The following IGFN1 variants were observed in gnomAD, a reference collection of about 807,000 sequenced individuals.
IGFN1 encodes the protein immunoglobulin like and fibronectin type III domain containing 1.
Under a neutral mutation model 289.5 loss-of-function variants are expected in IGFN1, and 253 were observed. The ratio of observed to expected loss-of-function variants is 0.87; its 90% CI spans 0.79 to 0.97. The LOEUF is 0.97. IGFN1 is among the 50% of genes least tolerant of loss of function. The pLI is 0.00. For synonymous variants in IGFN1, 1,706 were observed against 1,788.5 expected (o/e 0.95, Z 1.16); for missense variants, 4,470 against 4,686.1 (o/e 0.95, Z 1.35).
At chr1:201,193,779 T>C (rs1666765185) in intron 2 of IGFN1, among the ~76,000 whole-genome samples, 1 of 152,136 alleles carries the variant, frequency 6.6e-6, no homozygotes, top group African/African-American at 2.4e-5. Context: ...CTTTGGGTTT[T>C]GATTTGTTTT....
In IGFN1 at chr1:201,206,597, T is replaced by C; in HGVS notation, c.1704T>C (p.Ala568=). The change falls in exon 12 of 24, where the codon GCT becomes GCC. Residue 568 remains alanine (A), a synonymous_variant. Transcript: ENST00000335211. ...GWEAGSSRLQ[A]GGLGSSREGK... is the part of the protein sequence containing the mutation. ...AGGCTGGGTCCAGTCGGCTTCAGGC[T>C]GGAGGACTGGGGAGCAGCAGGGAAG... 2 of 1,546,696 alleles carry C rather than the reference T, an allele frequency of 1.3e-6. No homozygotes were observed. The highest frequency in any genetic ancestry group is 8.7e-7 in the Non-Finnish European group (1 of 1,146,946).
intron 3 of IGFN1, among the ~76,000 whole-genome samples, 185 bp downstream of exon 3, chr1:201,194,458 G>A (rs949749711): frequency 3.3e-5 from 5 of 152,204 alleles, no homozygotes; most frequent in Admixed American, 6.5e-5. Flanking sequence ...GTGACAAGAG[G>A]CCTGGGGAAA....
chr1:201,228,349 C>T, intron 23 of IGFN1, 37 bp from the exon 24 acceptor site: 4 of 1,611,220 alleles, frequency 2.5e-6, no homozygotes, highest in Non-Finnish European at 3.4e-6. Context: ...GGGGTGGCTG[C>T]CCCTCTGAAC....
At chr1:201,191,795 T>A (rs1347734470) in intron 1 of IGFN1, among the ~76,000 whole-genome samples, 1 of 151,870 alleles carries the variant, frequency 6.6e-6, no homozygotes. Flanking sequence ...GGGAGAAGAG[T>A]GGTATCAGCG....
intron 12 of IGFN1, 53 bp from the exon 13 acceptor site, chr1:201,214,124 C>A (rs1047648783): frequency 6.5e-7 from 1 of 1,530,472 alleles, no homozygotes; most frequent in Admixed American, 2.0e-5. Flanking sequence ...GGGCACAGCG[C>A]AGGCCATGGC....
At chr1:201,201,311 T>A (rs1667143036) in intron 8 of IGFN1, among the ~76,000 whole-genome samples, 1 of 152,236 alleles carries the variant, frequency 6.6e-6, no homozygotes, top group African/African-American at 2.4e-5. Flanking sequence ...CTGAAAATAG[T>A]ATCTTATCCC....
At chr1:201,225,465 C>T (rs886270791) in intron 21 of IGFN1, among the ~76,000 whole-genome samples, 13 of 152,104 alleles carry the variant, frequency 8.5e-5, no homozygotes, top group Non-Finnish European at 1.6e-4. Flanking sequence ...TGGTGGTGGC[C>T]GCCTGTAGTC....
Position 201,214,303 on chromosome 1 carries a change from T to C in IGFN1, c.8853+2T>C. ...ACCTGGTTTAAGGATGGCGTCAAGG[T>C]ACTGCCTCCCCTCACACCTTCTCTT... On this transcript the variant is annotated splice_donor_variant, in intron 13 of 23. Transcript: ENST00000335211. LOFTEE classifies it high-confidence loss of function. 1 of 1,605,624 alleles carries C rather than the reference T, an allele frequency of 6.2e-7. No individual in the cohort carries two copies. The highest frequency in any genetic ancestry group is 8.5e-7 in the Non-Finnish European group (1 of 1,173,558).
intron 5 of IGFN1, among the ~76,000 whole-genome samples, chr1:201,198,835 G>A (rs913631510): frequency 4.6e-5 from 7 of 152,232 alleles, no homozygotes; most frequent in Non-Finnish European, 8.8e-5. Context: ...AGCTGGGGAA[G>A]GTGAGTGTTT....
At position 201,213,273 on chromosome 1, in the gene IGFN1, C is replaced by T; in HGVS notation, c.8380C>T (p.Leu2794=). The change falls in exon 12 of 24, where the codon CTA becomes TTA. Residue 2794 remains leucine, a synonymous_variant. Transcript: ENST00000335211. The stretch of plus-strand genomic sequence containing the variant: ...TGGTGAGGTCCAGGGTCCTGGGGCC[C>T]TAAAGGAGGATGAAGGGCAGGGAGT... ...ENGEVQGPGA[L]KEDEGQGVEE... 1.3e-6 allele frequency: 2 copies of T among 1,554,636 alleles called. No homozygotes were observed. Among genetic ancestry groups the T allele is most frequent in the Non-Finnish European group, 1.7e-6 (2 of 1,148,644 alleles).
chr1:201,220,646 A>G (rs1335907041), intron 18 of IGFN1, among the ~76,000 whole-genome samples: 1 of 152,268 alleles, frequency 6.6e-6, no homozygotes, highest in African/African-American at 2.4e-5. Context: ...GCTGAATCTC[A>G]GGCCTCACCC....
chr1:201,193,752 T>G (rs1259686345), intron 2 of IGFN1, among the ~76,000 whole-genome samples: 1 of 152,048 alleles, frequency 6.6e-6, no homozygotes, highest in African/African-American at 2.4e-5. Flanking sequence ...GTGCTTGGCT[T>G]TTTTTTTGAG....
chr1:201,203,893 A>G lies in IGFN1; in HGVS notation c.903A>G (p.Glu301=). The change falls in exon 10 of 24, where the codon GAA becomes GAG. Residue 301 remains glutamate (E), a synonymous_variant. Transcript: ENST00000335211. ...KVEDAVVFST[E]LEASAIPPRV... is the part of the protein sequence containing the mutation. ...AGGATGCTGTGGTCTTCTCCACAGA[A>G]CTGGAGGCCAGTGGTGAGTGGTCTA... The G allele has an allele frequency of 6.4e-7, 1 of 1,551,536 alleles. No individual in the cohort carries two copies. Among genetic ancestry groups the G allele is most frequent in the Non-Finnish European group, 8.7e-7 (1 of 1,146,906 alleles).
Position 201,216,496 on chromosome 1 carries a change from G to C in IGFN1, c.9338G>C (p.Cys3113Ser). ...PPQGPMEVQD[C>S]HRAGVCLRWR... ...CAAGGCCCCATGGAGGTTCAGGATT[G>C]CCATAGGGCTGGCGTCTGCCTCCGC... The change falls in exon 16 of 24, where the codon TGC (cysteine) becomes TCC (serine). Residue 3113 changes from cysteine (C) to serine (S), a missense_variant. Around this residue, in one of 8 missense-constraint regions of IGFN1, gnomAD observed 2,218 missense variants for 2,114.1 expected, o/e 1.05. Coordinates refer to ENST00000335211, the MANE Select transcript of IGFN1 (RefSeq NM_001164586.2). 1.2e-6 allele frequency: 2 copies of C among 1,604,262 alleles called. No homozygotes were observed. Among genetic ancestry groups the C allele is most frequent in the Non-Finnish European group, 1.7e-6 (2 of 1,175,058 alleles).
Position 201,226,987 on chromosome 1 carries a change from G to T in IGFN1, c.10892G>T (p.Cys3631Phe), listed in dbSNP as rs1173133176. 6.2e-7 allele frequency: 1 copy of T among 1,613,166 alleles called. No homozygotes were observed. The highest frequency in any genetic ancestry group is 1.3e-5 in the African/African-American group (1 of 74,940). The change falls in exon 23 of 24, where the codon TGC becomes TTC. Residue 3631 changes from cysteine to phenylalanine, a missense_variant. Cys to Phe is a radical substitution (Grantham distance 205). Around this residue, in one of 8 missense-constraint regions of IGFN1, gnomAD observed 2,218 missense variants for 2,114.1 expected, o/e 1.05. Transcript: ENST00000335211. ...CACCTGCTGCCCCAGGGCTGCGAGT[G>T]CTGCATGAGCTGTGCCGTGCAGGGC... The part of the protein sequence containing the change: ...RSHLLPQGCE[C>F]CMSCAVQGSP...
chr1:201,191,881 G>A (rs10920141), intron 1 of IGFN1, among the ~76,000 whole-genome samples: 42,729 of 151,840 alleles, frequency 0.28, 6,498 homozygotes, highest in Non-Finnish European at 0.33. Flanking sequence ...GGGTGACGAT[G>A]GGGATGATGA....
chr1:201,199,399 C>A lies in IGFN1; in HGVS notation c.412+21C>A, dbSNP rs752092128. ...GGAAGGTAGGCAGATTTGTCAGAAA[C>A]CTCCTTGGGGGCCTGTGGGGGATAG... On this transcript the variant is annotated intron_variant, in intron 6 of 23. Transcript: ENST00000335211. The A allele has an allele frequency of 1.0e-4, 161 of 1,550,968 alleles. 1 individual carries two copies. The Middle Eastern group carries it at 1.3e-3, about 13-fold the overall frequency.
chr1:201,199,176 G>C (rs532906735), intron 5 of IGFN1, among the ~76,000 whole-genome samples, 158 bp from the exon 6 acceptor site: 1 of 152,316 alleles, frequency 6.6e-6, no homozygotes, highest in Admixed American at 6.5e-5. Flanking sequence ...CCTCCACCCT[G>C]CTCCATCCCT....
chr1:201,215,172 C>G lies in IGFN1; in HGVS notation c.8995+18C>G, dbSNP rs374954637. Reference sequence around the variant, plus strand: ...CGTCCAGGGTAAGGCCCAGCCCTGCCCTGCCCTGCCCTGTCCTGTCCCACA... The same window carrying G: ...CGTCCAGGGTAAGGCCCAGCCCTGCGCTGCCCTGCCCTGTCCTGTCCCACA... On this transcript the variant is annotated intron_variant, in intron 14 of 23. Coordinates refer to ENST00000335211, the MANE Select transcript of IGFN1 (RefSeq NM_001164586.2). 454 of 1,608,490 alleles carry G rather than the reference C, an allele frequency of 2.8e-4. 1 individual carries two copies. In the African/African-American group the frequency reaches 5.1e-3, roughly 18 times the overall value.
Sources: allele counts gnomAD v4.1 joint callset (sites outside exome capture counted in the v4.1 genomes callset), GRCh38; gene constraint gnomAD v4.1.1; regional missense constraint gnomAD v4.1.1; transcripts MANE v1.5; gene names NCBI Gene and HGNC (gene_info 2026-07-23, HGNC 2026-07-21).